The following ZNF521 variants were observed in gnomAD, a reference collection of about 807,000 sequenced individuals.
ZNF521 encodes the protein LYST-interacting protein 3.
ZNF521 carries 14 observed loss-of-function variants against 105.5 expected under a neutral mutation model. The observed-to-expected ratio is 0.13, with a 90% CI of 0.09 to 0.21. The LOEUF is 0.21. Among genes scored for constraint, ZNF521 ranks in the 10% least tolerant of loss-of-function variants. The probability of loss-of-function intolerance (pLI) is 1.00; values close to 1 mark genes in which losing one functional copy is unlikely to be tolerated. For missense variants in ZNF521, 1,233 were observed against 1,629.7 expected (o/e 0.76, Z 4.19); for synonymous variants, 635 against 606.0 (o/e 1.05, Z -0.70).
At chr18:25,249,468 T>C (rs1907959788) in intron 3 of ZNF521, among the ~76,000 whole-genome samples, 1 of 150,550 alleles carries the variant, frequency 6.6e-6, no homozygotes, top group Non-Finnish European at 1.5e-5. Flanking sequence ...TTACTTTCTT[T>C]CTTTTTTTTT....
intron 3 of ZNF521, among the ~76,000 whole-genome samples, chr18:25,295,309 G>A (rs1001325531): frequency 6.6e-6 from 1 of 152,126 alleles, no homozygotes; most frequent in Non-Finnish European, 1.5e-5. Context: ...ATTTGCAGGG[G>A]TTGTCTTCTT....
intron 5 of ZNF521, among the ~76,000 whole-genome samples, chr18:25,155,454 G>A (rs1340790756): frequency 6.6e-6 from 1 of 151,954 alleles, no homozygotes; most frequent in Non-Finnish European, 1.5e-5. Flanking sequence ...TGTTTTGGTA[G>A]CCTAGGGTTT....
chr18:25,346,461 C>G (rs772263353), intron 2 of ZNF521, among the ~76,000 whole-genome samples: 2 of 152,090 alleles, frequency 1.3e-5, no homozygotes, highest in Non-Finnish European at 2.9e-5. Flanking sequence ...TAGAGCTTTT[C>G]CACTAGAGAA....
chr18:25,272,566 G>A (rs1248550635), intron 3 of ZNF521, among the ~76,000 whole-genome samples: 1 of 152,164 alleles, frequency 6.6e-6, no homozygotes, highest in South Asian at 2.1e-4. Context: ...TATACACCAC[G>A]GAATACTATG....
rs1484248787 is a variant in ZNF521 at position 25,269,171 on chromosome 18, A to G, written c.221-41474T>C. Among the ~76,000 whole-genome samples, 3 of 152,036 alleles carry G rather than the reference A, an allele frequency of 2.0e-5. No homozygotes were observed. In the South Asian group the frequency reaches 6.2e-4, roughly 31 times the overall value. ...TTGATAAAACAGACTTTAAACCAAC[A>G]AAGATCAAAAGAGACAAAGAAGGGC... On this transcript the variant is annotated intron_variant, in intron 3 of 7. Transcript: ENST00000361524.
intron 3 of ZNF521, among the ~76,000 whole-genome samples, chr18:25,255,389 T>C (rs1908409964): frequency 6.6e-6 from 1 of 152,160 alleles, no homozygotes; most frequent in Non-Finnish European, 1.5e-5. Flanking sequence ...CCCTTCAAAT[T>C]TGTATAAAAC....
chr18:25,179,934 GT>G (rs1217680837), intron 5 of ZNF521, among the ~76,000 whole-genome samples: 1 of 152,124 alleles, frequency 6.6e-6, no homozygotes, highest in African/African-American at 2.4e-5. Context: ...GAAAACCATA[GT>G]TACTGACAGA....
intron 3 of ZNF521, among the ~76,000 whole-genome samples, chr18:25,248,978 T>C (rs1295495973): frequency 2.0e-5 from 3 of 152,216 alleles, no homozygotes; most frequent in Non-Finnish European, 4.4e-5. Flanking sequence ...GCAGCAGAGT[T>C]GACTGGTTGT....
chr18:25,321,388 T>C (rs1026215859), intron 3 of ZNF521, among the ~76,000 whole-genome samples: 2 of 152,230 alleles, frequency 1.3e-5, no homozygotes, highest in African/African-American at 4.8e-5. Context: ...AGGAACTGCA[T>C]AGCAGAATAA....
At chr18:25,130,349 G>C (rs1469009533) in intron 5 of ZNF521, among the ~76,000 whole-genome samples, 1 of 152,154 alleles carries the variant, frequency 6.6e-6, no homozygotes, top group Non-Finnish European at 1.5e-5. Flanking sequence ...AAGGAGCAGA[G>C]GGATGAGTAG....
At chr18:25,256,675 A>G (rs2144874183) in intron 3 of ZNF521, among the ~76,000 whole-genome samples, 1 of 152,186 alleles carries the variant, frequency 6.6e-6, no homozygotes, top group East Asian at 1.9e-4. Flanking sequence ...GAGGCCAGAT[A>G]ATTCTGAAGA....
chr18:25,327,504 C>T (rs1035524834), intron 2 of ZNF521: 2 of 909,934 alleles, frequency 2.2e-6, no homozygotes, highest in African/African-American at 3.5e-5. Flanking sequence ...GAAAGCACTC[C>T]TCCCCTACAA....
intron 5 of ZNF521, among the ~76,000 whole-genome samples, chr18:25,137,906 A>G (rs969139396): frequency 6.6e-6 from 1 of 152,224 alleles, no homozygotes; most frequent in Non-Finnish European, 1.5e-5. Context: ...CTGTTTTACT[A>G]AAAGCAAAAA....
chr18:25,193,469 A>G (rs2035852423), intron 5 of ZNF521, among the ~76,000 whole-genome samples: 1 of 152,084 alleles, frequency 6.6e-6, no homozygotes, highest in Non-Finnish European at 1.5e-5. Context: ...GACTTCTAAG[A>G]ACTGCCTTCA....
At position 25,225,259 on chromosome 18, in the gene ZNF521, C is replaced by G. The variant is rs779117190; in HGVS notation, c.2659G>C (p.Gly887Arg). The G allele has an allele frequency of 6.2e-7, 1 of 1,614,070 alleles. No homozygotes were observed. The highest frequency in any genetic ancestry group is 1.3e-5 in the African/African-American group (1 of 75,000). ...EDVDTSEPMY[G>R]CDICGAAYTM... ...TAGGCTGCCCCACAAATGTCGCAGC[C>G]GTACATAGGCTCAGAGGTGTCAACG... The change falls in exon 4 of 8, where the codon GGC (glycine) becomes CGC (arginine). Residue 887 changes from glycine to arginine, a missense_variant. Around this residue, in one of 6 missense-constraint regions of ZNF521, gnomAD observed 614 missense variants for 751.5 expected, o/e 0.82. Coordinates refer to ENST00000361524, the MANE Select transcript of ZNF521 (RefSeq NM_015461.3). This position sits in a 1 kb window ranked among gnomAD's most constrained non-coding sequence, Gnocchi z 5.6.
At chr18:25,127,214 A>G (rs2034554535) in intron 5 of ZNF521, among the ~76,000 whole-genome samples, 2 of 152,038 alleles carry the variant, frequency 1.3e-5, no homozygotes, top group African/African-American at 4.8e-5. Context: ...CAATGGATAT[A>G]AAGGTCAGGT....
At chr18:25,064,398 T>A (rs1479515038) in intron 7 of ZNF521, among the ~76,000 whole-genome samples, 1 of 152,194 alleles carries the variant, frequency 6.6e-6, no homozygotes, top group East Asian at 1.9e-4. Context: ...GGGACCCACA[T>A]GGGTCAGGGC....
At chr18:25,146,553 C>T (rs2034947643) in intron 5 of ZNF521, among the ~76,000 whole-genome samples, 1 of 152,180 alleles carries the variant, frequency 6.6e-6, no homozygotes, top group South Asian at 2.1e-4. Context: ...AAAAAGGCTA[C>T]TCCACTATCT....
In ZNF521 at chr18:25,116,988, CACACACATATATATACAT is replaced by C. The variant is rs1412030068; in HGVS notation, c.3659-24925_3659-24908del. 2.1e-5 allele frequency among the ~76,000 whole-genome samples: 3 copies of C among 142,400 alleles called. No homozygotes were observed. The East Asian group carries it at 6.0e-4, about 28-fold the overall frequency. The allele number at this position is 142,400 out of a possible 152,430, so 93.4% of individuals were successfully genotyped here. A position where few individuals can be genotyped will look rare whatever the true frequency, so the allele number is the denominator to read the frequency against. On this transcript the variant is annotated intron_variant, in intron 5 of 7. Transcript: ENST00000361524. ...GTATATATATGTATATATATATACA[CACACACATATATATACAT>C]ACACACACACACATATATATATACA...
Sources: gnomAD v4.1 joint callset for allele counts (sites outside exome capture counted in the v4.1 genomes callset) on GRCh38, gnomAD v4.1.1 for gene constraint, gnomAD v4.1.1 regional missense constraint, Gnocchi (gnomAD v3.1) non-coding constraint, MANE v1.5 for transcripts, NCBI Gene and HGNC (gene_info 2026-07-23, HGNC 2026-07-21) for gene names.